GOLM2: variants seen among roughly 807,000 people sequenced by gnomAD.
The protein encoded by GOLM2 is golgi membrane protein 2, also known as protein GOLM2.
In GOLM2, 26 loss-of-function variants were observed where a neutral mutation model predicts 55.9. The ratio of observed to expected loss-of-function variants is 0.47; its 90% CI spans 0.34 to 0.65. GOLM2 has a LOEUF of 0.65. Among genes scored for constraint, GOLM2 ranks in the 30% least tolerant of loss-of-function variants. The pLI is 0.01. For missense variants in GOLM2, 486 were observed against 531.8 expected (o/e 0.91, Z 0.85); for synonymous variants, 165 against 194.6 (o/e 0.85, Z 1.27).
chr15:44,357,305 A>G (rs1288674043), intron 6 of GOLM2, among the ~76,000 whole-genome samples: 1 of 152,236 alleles, frequency 6.6e-6, no homozygotes, highest in East Asian at 1.9e-4. Context: ...AAAAAAAATC[A>G]CATGATTATA....
In GOLM2 at chr15:44,387,840, A is replaced by G. The variant is rs181353945; in HGVS notation, c.1072+6864A>G. On this transcript the variant is annotated intron_variant, in intron 8 of 9. Transcript: ENST00000299957. ...CATGCAGCTTTATACAACTTGACAC[A>G]AAAGGTCTTTATTTGTATATATTCA... Among the ~76,000 whole-genome samples the G allele has an allele frequency of 4.1e-4, 63 of 152,140 alleles. No homozygotes were observed. In the East Asian group the frequency reaches 7.3e-3, roughly 18 times the overall value.
chr15:44,315,824 A>G (rs188969960), intron 1 of GOLM2, among the ~76,000 whole-genome samples: 17 of 152,340 alleles, frequency 1.1e-4, no homozygotes, highest in African/African-American at 4.1e-4. Context: ...GGTAAAGCCT[A>G]AAGGCAATGA....
chr15:44,354,415 G>A (rs1265557484), intron 6 of GOLM2, among the ~76,000 whole-genome samples: 1 of 151,312 alleles, frequency 6.6e-6, no homozygotes. Flanking sequence ...AAACCTGCAC[G>A]TTGTGCACAT....
chr15:44,334,887 C>T (rs878961406), intron 4 of GOLM2, among the ~76,000 whole-genome samples: 5 of 152,012 alleles, frequency 3.3e-5, no homozygotes, highest in Middle Eastern at 3.2e-3. Context: ...AAAAGTTATC[C>T]GGGCATGGTG....
chr15:44,299,561 T>C (rs1456267694), intron 1 of GOLM2, among the ~76,000 whole-genome samples: 1 of 152,002 alleles, frequency 6.6e-6, no homozygotes, highest in African/African-American at 2.4e-5. Flanking sequence ...CCAAATTGAC[T>C]AGATAACTAC....
intron 6 of GOLM2, among the ~76,000 whole-genome samples, chr15:44,349,079 G>A (rs1172462967): frequency 6.6e-6 from 1 of 151,834 alleles, no homozygotes; most frequent in Non-Finnish European, 1.5e-5. Context: ...GACCAACATG[G>A]AGAAACCCCG....
chr15:44,415,754 C>G lies in GOLM2; in HGVS notation c.*2348C>G, dbSNP rs1281658118. The G allele has an allele frequency of 1.3e-5, 2 of 152,260 alleles. No homozygotes were observed. The highest frequency in any genetic ancestry group is 1.5e-5 in the Non-Finnish European group (1 of 68,022). The allele number at this position is 152,260 out of a possible 1,614,324, so 9.4% of individuals were successfully genotyped here. A position where few individuals can be genotyped will look rare whatever the true frequency, so the allele number is the denominator to read the frequency against. Reference sequence around the variant, plus strand: ...GGGTTCTAATAAATTAAAAATTAAACTTGTTTCACTGTTTTGCTGATTCTA... The same window carrying G: ...GGGTTCTAATAAATTAAAAATTAAAGTTGTTTCACTGTTTTGCTGATTCTA... On this transcript the variant is annotated 3_prime_UTR_variant, in exon 10 of 10. Coordinates refer to ENST00000299957, the MANE Select transcript of GOLM2 (RefSeq NM_138423.4).
At chr15:44,301,143 C>G (rs1397221673) in intron 1 of GOLM2, among the ~76,000 whole-genome samples, 1 of 152,006 alleles carries the variant, frequency 6.6e-6, no homozygotes, top group Non-Finnish European at 1.5e-5. Context: ...TAACAAAGGC[C>G]TCTCATAGCT....
chr15:44,332,216 T>G, intron 4 of GOLM2, 138 bp downstream of exon 4: 1 of 547,222 alleles, frequency 1.8e-6, no homozygotes, highest in Admixed American at 3.5e-5. Flanking sequence ...TGATTTACAA[T>G]GGCTTTATTT....
At position 44,381,084 on chromosome 15, in the gene GOLM2, T is replaced by C. The variant is rs950779482; in HGVS notation, c.1072+108T>C. ...AATAAATGTATAGTGAAGTTATATATATTTAAAGAGAAGGTATGAAAGTGT... is the reference window on the plus strand; with the variant it reads ...AATAAATGTATAGTGAAGTTATATACATTTAAAGAGAAGGTATGAAAGTGT... On this transcript the variant is annotated intron_variant, in intron 8 of 9. Coordinates refer to ENST00000299957, the MANE Select transcript of GOLM2 (RefSeq NM_138423.4). 6.4e-6 allele frequency: 4 copies of C among 621,434 alleles called. No individual in the cohort carries two copies. In the African/African-American group the frequency reaches 7.6e-5, roughly 12 times the overall value. The allele number at this position is 621,434 out of a possible 1,614,324, so 38.5% of individuals were successfully genotyped here. A position where few individuals can be genotyped will look rare whatever the true frequency, so the allele number is the denominator to read the frequency against.
intron 6 of GOLM2, among the ~76,000 whole-genome samples, chr15:44,360,077 A>G (rs999126834): frequency 1.6e-4 from 25 of 152,302 alleles, no homozygotes; most frequent in African/African-American, 6.0e-4. Context: ...AGGAACAACC[A>G]CTACCAGCCG....
intron 1 of GOLM2, among the ~76,000 whole-genome samples, chr15:44,293,609 G>A (rs1463252400): frequency 6.6e-6 from 1 of 152,098 alleles, no homozygotes; most frequent in Non-Finnish European, 1.5e-5. Flanking sequence ...TCTTTTCTCA[G>A]GATTAGACTG....
At chr15:44,393,968 C>T (rs2079508293) in intron 8 of GOLM2, among the ~76,000 whole-genome samples, 1 of 152,206 alleles carries the variant, frequency 6.6e-6, no homozygotes, top group African/African-American at 2.4e-5. Flanking sequence ...GCTAGGATTA[C>T]AGGCATGAGC....
At chr15:44,403,256 G>C in intron 9 of GOLM2, 1 of 548,936 alleles carries the variant, frequency 1.8e-6, no homozygotes, top group Non-Finnish European at 3.3e-6. Context: ...TCCACCTCCC[G>C]GGTTCAAGCG....
intron 8 of GOLM2, among the ~76,000 whole-genome samples, chr15:44,385,587 C>T (rs1209474352): frequency 1.3e-5 from 2 of 152,032 alleles, no homozygotes; most frequent in Non-Finnish European, 2.9e-5. Context: ...AGCTTTGTCA[C>T]CCAGGCCAGA....
chr15:44,403,130 T>C, intron 9 of GOLM2, 76 bp downstream of exon 9: 1 of 1,547,156 alleles, frequency 6.5e-7, no homozygotes, highest in Non-Finnish European at 8.9e-7. Flanking sequence ...TGTGTAGAAT[T>C]TCCCCCACTT....
intron 6 of GOLM2, among the ~76,000 whole-genome samples, chr15:44,365,284 T>C (rs1207479111): frequency 6.6e-6 from 1 of 152,046 alleles, no homozygotes; most frequent in East Asian, 1.9e-4. Context: ...CCCAGCACAT[T>C]GGGAGGCCAA....
rs2079148263 is a variant in GOLM2 at position 44,349,635 on chromosome 15, A to G, written c.802+11318A>G. Among the ~76,000 whole-genome samples, 3 of 152,180 alleles carry G rather than the reference A, an allele frequency of 2.0e-5. No individual in the cohort carries two copies. The South Asian group carries it at 6.2e-4, about 32-fold the overall frequency. On this transcript the variant is annotated intron_variant, in intron 6 of 9. Coordinates refer to ENST00000299957, the MANE Select transcript of GOLM2 (RefSeq NM_138423.4). ...CAGACTTCATCTACACTATAGACCAAATGGACCTAATAGATATTTACAGAA... is the reference window on the plus strand; with the variant it reads ...CAGACTTCATCTACACTATAGACCAGATGGACCTAATAGATATTTACAGAA...
intron 6 of GOLM2, among the ~76,000 whole-genome samples, chr15:44,363,326 T>C (rs1378569699): frequency 6.6e-6 from 1 of 151,822 alleles, no homozygotes; most frequent in African/African-American, 2.4e-5. Context: ...GAATCTACAA[T>C]GAACTCAAAC....
Sources: gnomAD v4.1 joint callset for allele counts (sites outside exome capture counted in the v4.1 genomes callset) on GRCh38, gnomAD v4.1.1 for gene constraint, MANE v1.5 for transcripts, NCBI Gene and HGNC (gene_info 2026-07-23, HGNC 2026-07-21) for gene names.